Variants in RIOK3 observed in about 807,000 individuals in gnomAD.
RIOK3 encodes the protein serine/threonine-protein kinase RIO3.
Under a neutral mutation model 63.5 loss-of-function variants are expected in RIOK3, and 40 were observed. The ratio of observed to expected loss-of-function variants is 0.63; its 90% CI spans 0.49 to 0.82. RIOK3 has a LOEUF of 0.82. RIOK3 is among the 40% of genes least tolerant of loss of function. The probability of loss-of-function intolerance (pLI) is 0.00; values close to 1 mark genes in which losing one functional copy is unlikely to be tolerated. For missense variants in RIOK3, 557 were observed against 637.0 expected, an observed-to-expected ratio of 0.87 and a Z score of 1.35; for synonymous variants, 193 against 205.0, an observed-to-expected ratio of 0.94 and a Z score of 0.50.
At chr18:23,466,402 T>G (rs1205570815) in intron 6 of RIOK3, 126 bp downstream of exon 6, 1 of 788,364 alleles carries the variant, frequency 1.3e-6, no homozygotes, top group Non-Finnish European at 1.9e-6. Context: ...AAATCAAAGA[T>G]GTAAATAAAT....
chr18:23,464,168 G>C (rs755924858), intron 3 of RIOK3, 38 bp from the exon 4 acceptor site: 1 of 1,607,926 alleles, frequency 6.2e-7, no homozygotes. Context: ...CTCATAATGT[G>C]CTCCTAAGTA....
At chr18:23,478,004 G>A (rs551988089) in intron 11 of RIOK3, among the ~76,000 whole-genome samples, 10 of 151,706 alleles carry the variant, frequency 6.6e-5, no homozygotes, top group East Asian at 3.9e-4. Flanking sequence ...CCTGGGAATC[G>A]GAGGTTGCAG....
At chr18:23,477,456 T>C (rs57220112) in intron 11 of RIOK3, among the ~76,000 whole-genome samples, 188 bp downstream of exon 11, 28,003 of 152,168 alleles carry the variant, frequency 0.18, 3,678 homozygotes, top group East Asian at 0.34. Flanking sequence ...TTCCATGTCT[T>C]ACAGTTGGGT....
chr18:23,463,154 C>G, intron 2 of RIOK3, 75 bp downstream of exon 2: 1 of 951,932 alleles, frequency 1.1e-6, no homozygotes, highest in Non-Finnish European at 1.6e-6. Context: ...ATTGTCATGA[C>G]AAGTGGTTTG....
At chr18:23,477,832 G>T (rs944950164) in intron 11 of RIOK3, among the ~76,000 whole-genome samples, 1 of 151,814 alleles carries the variant, frequency 6.6e-6, no homozygotes, top group Non-Finnish European at 1.5e-5. Flanking sequence ...CACTTTGGGA[G>T]GCCAAGGTGG....
In RIOK3 at chr18:23,479,329, G is replaced by A; in HGVS notation, c.1357G>A (p.Gly453Arg). ...ATTTCCTTACTAGTTTTTCCAGAAA[G>A]GAGGAGTCAAGGAAGCCCTTAGTGA... is the stretch of plus-strand genomic sequence containing the variant. ...CRNVSQFFQK[G>R]GVKEALSERE... is the part of the protein sequence containing the mutation. Residue 453 changes from glycine (G) to arginine (R), a missense_variant, in exon 12 of 13, where the codon GGA (glycine) becomes AGA (arginine). Gly to Arg is a moderately radical substitution (Grantham distance 125). Transcript: ENST00000339486. 6.2e-7 allele frequency: 1 copy of A among 1,608,684 alleles called. No individual in the cohort carries two copies.
chr18:23,456,093 G>A (rs1391676566), intron 1 of RIOK3, among the ~76,000 whole-genome samples: 2 of 152,110 alleles, frequency 1.3e-5, no homozygotes, highest in African/African-American at 4.8e-5. Flanking sequence ...ACCGCGCCCA[G>A]CCAATTTTTG....
intron 1 of RIOK3, among the ~76,000 whole-genome samples, chr18:23,454,394 C>G (rs904597666): frequency 2.0e-5 from 3 of 152,146 alleles, no homozygotes; most frequent in African/African-American, 7.2e-5. Context: ...ATTAAGTAAC[C>G]AAAAGTTAAT....
rs2057452044 is a variant in RIOK3, at chr18:23,470,856, G to A, written c.816-2573G>A. Among the ~76,000 whole-genome samples the A allele has an allele frequency of 2.6e-5, 4 of 152,138 alleles. No individual in the cohort carries two copies. In the South Asian group the frequency reaches 8.3e-4, roughly 31 times the overall value. On this transcript the variant is annotated intron_variant, in intron 7 of 12. Transcript: ENST00000339486. Reference sequence around the variant, plus strand: ...TATCCTAGAGACCTTCCAAGTAAGGGATCTCTTGTATGGCATTTTTGCTAG... The same window carrying A: ...TATCCTAGAGACCTTCCAAGTAAGGAATCTCTTGTATGGCATTTTTGCTAG...
At chr18:23,472,070 T>G (rs1188258057) in intron 7 of RIOK3, among the ~76,000 whole-genome samples, 2 of 151,874 alleles carry the variant, frequency 1.3e-5, no homozygotes, top group Non-Finnish European at 2.9e-5. Flanking sequence ...CCGTCTCTAC[T>G]AAAAATACAA....
At chr18:23,468,293 C>CTATTTTTTT (rs2057423950) in intron 7 of RIOK3, among the ~76,000 whole-genome samples, 2 of 46,448 alleles carry the variant, frequency 4.3e-5, no homozygotes, top group African/African-American at 2.1e-4. Context: ...CAATATACTC[C>CTATTTTTTT]TTTTTTTTTT....
Position 23,463,008 on chromosome 18 carries a change from T to C in RIOK3, c.108T>C (p.Ala36=). The change falls in exon 2 of 13, where the codon GCT becomes GCC. Residue 36 remains alanine (A), a synonymous_variant. Transcript: ENST00000339486. ...IPQNTISCSL[A]DVMSEQLAKE... ...AAAATACAATATCTTGTTCTTTGGC[T>C]GATGTAATGAGTGAACAGCTGGCCA... is the stretch of plus-strand genomic sequence containing the variant. 1.2e-6 allele frequency: 2 copies of C among 1,607,130 alleles called. No individual in the cohort carries two copies. The highest frequency in any genetic ancestry group is 1.7e-6 in the Non-Finnish European group (2 of 1,177,288).
Position 23,463,080 on chromosome 18 carries a change from G to C in RIOK3, c.179+1G>C, listed in dbSNP as rs373422920. 1.9e-6 allele frequency: 3 copies of C among 1,588,120 alleles called. No homozygotes were observed. Among genetic ancestry groups the C allele is most frequent in the Admixed American group, 1.7e-5 (1 of 57,258 alleles). On this transcript the variant is annotated splice_donor_variant, in intron 2 of 12. Coordinates refer to ENST00000339486, the MANE Select transcript of RIOK3 (RefSeq NM_003831.5). LOFTEE classifies it high-confidence loss of function. Reference sequence around the variant, plus strand: ...AAGCTGCCGTTTTTCCTGAAGTTGCGTAAGTAAAATTCACAAATACTTTAT... The same window carrying C: ...AAGCTGCCGTTTTTCCTGAAGTTGCCTAAGTAAAATTCACAAATACTTTAT...
chr18:23,454,843 G>C (rs1481295910), intron 1 of RIOK3, among the ~76,000 whole-genome samples: 1 of 152,192 alleles, frequency 6.6e-6, no homozygotes, highest in South Asian at 2.1e-4. Flanking sequence ...AAAACAATTA[G>C]AAACAGGCTG....
At chr18:23,455,362 C>G (rs1385106743) in intron 1 of RIOK3, among the ~76,000 whole-genome samples, 2 of 151,614 alleles carry the variant, frequency 1.3e-5, no homozygotes, top group Admixed American at 6.6e-5. Context: ...CGTGAGCCAC[C>G]ATGCCCAACG....
In RIOK3 at chr18:23,453,478, G is replaced by A; in HGVS notation, c.39G>A (p.Thr13=). The part of the protein sequence containing the change: ...LVGVASPEPG[T]AAAWGPSKCP... ...GAGTGGCATCGCCTGAGCCCGGGAC[G>A]GCAGCGGCCTGGGGACCCAGCAAGG... The change falls in exon 1 of 13, where the codon ACG becomes ACA. Residue 13 remains threonine (T), a synonymous_variant. Transcript: ENST00000339486. 6.2e-7 allele frequency: 1 copy of A among 1,613,778 alleles called. No individual in the cohort carries two copies. The highest frequency in any genetic ancestry group is 8.5e-7 in the Non-Finnish European group (1 of 1,179,812).
At chr18:23,467,597 C>A in intron 7 of RIOK3, 71 bp downstream of exon 7, 2 of 1,444,232 alleles carry the variant, frequency 1.4e-6, no homozygotes, top group Non-Finnish European at 1.9e-6. Flanking sequence ...TGAATTTACA[C>A]AGAATCAAAG....
chr18:23,465,999 G>C, intron 5 of RIOK3, 134 bp from the exon 6 acceptor site: 1 of 549,210 alleles, frequency 1.8e-6, no homozygotes, highest in Non-Finnish European at 3.0e-6. Flanking sequence ...TTTCTCTGTA[G>C]TAGCTATGAT....
rs532745243 is a variant in RIOK3, at chr18:23,458,348, G to T, written c.64-4616G>T. On this transcript the variant is annotated intron_variant, in intron 1 of 12. Coordinates refer to ENST00000339486, the MANE Select transcript of RIOK3 (RefSeq NM_003831.5). ...CCCACTAATGTGCAGCCAGGCAGGT[G>T]GGGGAGAATGCGGTAGTAGTGAAGA... Among the ~76,000 whole-genome samples the T allele has an allele frequency of 7.9e-5, 12 of 152,272 alleles. 1 individual carries two copies. The highest frequency in any genetic ancestry group is 3.4e-3 in the Middle Eastern group (1 of 294).
Sources: allele counts gnomAD v4.1 joint callset (sites outside exome capture counted in the v4.1 genomes callset), GRCh38; gene constraint gnomAD v4.1.1; transcripts MANE v1.5; gene names NCBI Gene and HGNC (gene_info 2026-07-23, HGNC 2026-07-21).